The following SETD5 variants were observed in gnomAD, a reference collection of about 807,000 sequenced individuals.
SETD5 encodes the protein histone-lysine N-methyltransferase SETD5.
In SETD5, 44 loss-of-function variants were observed where a neutral mutation model predicts 153.3. The ratio of observed to expected loss-of-function variants is 0.29; its 90% CI spans 0.23 to 0.37. The LOEUF (loss-of-function observed/expected upper bound fraction) is 0.37. Among genes scored for constraint, SETD5 ranks in the 10% least tolerant of loss-of-function variants. The pLI, the probability that SETD5 is intolerant of heterozygous loss-of-function variation, is 1.00. For synonymous variants in SETD5, 716 were observed against 645.2 expected (o/e 1.11, Z -1.66); for missense variants, 1,544 against 1,768.0 (o/e 0.87, Z 2.27).
chr3:9,422,682 T>C (rs369352791), intron 1 of SETD5, among the ~76,000 whole-genome samples: 15 of 152,368 alleles, frequency 9.8e-5, no homozygotes, highest in Middle Eastern at 3.4e-3. Context: ...CTTGTTCTTA[T>C]GTATCTTAAT....
At chr3:9,453,674 T>C (rs2042888052) in intron 16 of SETD5, 65 bp from the exon 17 acceptor site, 3 of 1,461,878 alleles carry the variant, frequency 2.1e-6, no homozygotes, top group Non-Finnish European at 2.7e-6. Context: ...GATGTACATT[T>C]AAAACAGGTG....
intron 2 of SETD5, among the ~76,000 whole-genome samples, chr3:9,424,928 A>AT (rs1312650012): frequency 6.6e-6 from 1 of 152,206 alleles, no homozygotes; most frequent in Non-Finnish European, 1.5e-5. Flanking sequence ...ATTAGTTAGA[A>AT]TGAGATGGTC....
intron 18 of SETD5, chr3:9,468,696 CCACT>C: frequency 1.3e-6 from 1 of 797,560 alleles, no homozygotes; most frequent in Non-Finnish European, 1.9e-6. Flanking sequence ...TGGAGGGCGG[CCACT>C]CAGTCACAGT....
chr3:9,437,105 T>C (rs1338161914), intron 7 of SETD5, among the ~76,000 whole-genome samples: 1 of 152,236 alleles, frequency 6.6e-6, no homozygotes, highest in Admixed American at 6.5e-5. Context: ...CCTTCATTGA[T>C]TGGTTTTTCA....
intron 1 of SETD5, among the ~76,000 whole-genome samples, chr3:9,417,789 CT>C (rs892874179): frequency 2.0e-3 from 285 of 141,428 alleles, no homozygotes; most frequent in Admixed American, 2.2e-3. Context: ...CTGGCCAAGT[CT>C]TTTTTTTTTT....
intron 3 of SETD5, chr3:9,432,423 A>G (rs914482654): frequency 6.2e-6 from 2 of 323,844 alleles, no homozygotes; most frequent in Non-Finnish European, 4.4e-6. Flanking sequence ...TGTACTATAT[A>G]TTGTATATCT....
rs374406205 is a variant in SETD5 at position 9,409,758 on chromosome 3, T to C, written c.-177+11781T>C. 3.9e-5 allele frequency among the ~76,000 whole-genome samples: 6 copies of C among 152,326 alleles called. 1 individual carries two copies. In the East Asian group the frequency reaches 5.8e-4, roughly 15 times the overall value. ...ACAAAGTTTAAAAGTATTTTATTTC[T>C]TTTTAAAAATATCACTTGGTATTTT... On this transcript the variant is annotated intron_variant, in intron 1 of 22. Transcript: ENST00000402198.
At chr3:9,471,407 G>C (rs968710150) in intron 19 of SETD5, among the ~76,000 whole-genome samples, 2 of 152,204 alleles carry the variant, frequency 1.3e-5, no homozygotes, top group Non-Finnish European at 2.9e-5. Flanking sequence ...GCAGGTTACT[G>C]ATTTAACTGA....
chr3:9,445,965 G>GGTTTTT (rs2041907619), intron 13 of SETD5, among the ~76,000 whole-genome samples: 4 of 86,474 alleles, frequency 4.6e-5, no homozygotes, highest in African/African-American at 1.4e-4. Context: ...TGAAGAGGTT[G>GGTTTTT]TTTTTTTTTT....
chr3:9,441,524 T>G (rs1559416086), intron 8 of SETD5, 69 bp from the exon 9 acceptor site: 2 of 1,384,392 alleles, frequency 1.4e-6, no homozygotes, highest in Non-Finnish European at 2.0e-6. Flanking sequence ...TCCTTAATTA[T>G]GAAGTAATTT....
rs1414234996 is a variant in SETD5, at chr3:9,454,323, A to G, written c.2476+455A>G. On this transcript the variant is annotated intron_variant, in intron 17 of 22. Transcript: ENST00000402198. Reference sequence around the variant, plus strand: ...AAGGGGCTTGTATAATTAGCATACAATTTTTAAAAGAACAGCCGGGCGCTG... The same window carrying G: ...AAGGGGCTTGTATAATTAGCATACAGTTTTTAAAAGAACAGCCGGGCGCTG... 2.0e-5 allele frequency among the ~76,000 whole-genome samples: 3 copies of G among 152,144 alleles called. No homozygotes were observed. The East Asian group carries it at 5.8e-4, about 29-fold the overall frequency.
At chr3:9,468,570 C>T in intron 18 of SETD5, 1 of 1,304,326 alleles carries the variant, frequency 7.7e-7, no homozygotes, top group Non-Finnish European at 1.0e-6. Context: ...GTCCCTGTCA[C>T]CCGAGGTAGT....
At chr3:9,458,340 G>A (rs2043515664) in intron 17 of SETD5, among the ~76,000 whole-genome samples, 1 of 152,132 alleles carries the variant, frequency 6.6e-6, no homozygotes, top group South Asian at 2.1e-4. Flanking sequence ...CTTGGGCCTG[G>A]CATGGTGACT....
chr3:9,461,802 A>G (rs1402836697), intron 17 of SETD5, among the ~76,000 whole-genome samples: 2 of 152,222 alleles, frequency 1.3e-5, no homozygotes, highest in Non-Finnish European at 2.9e-5. Context: ...TTTGATAGTT[A>G]TAGTGTTGGA....
At chr3:9,423,709 C>T (rs1320327285) in intron 1 of SETD5, among the ~76,000 whole-genome samples, 1 of 152,120 alleles carries the variant, frequency 6.6e-6, no homozygotes, top group Non-Finnish European at 1.5e-5. Flanking sequence ...AAATGAAATG[C>T]ATGCGTTCTA....
At chr3:9,399,621 T>A (rs1219197435) in intron 1 of SETD5, among the ~76,000 whole-genome samples, 1 of 152,146 alleles carries the variant, frequency 6.6e-6, no homozygotes, top group Admixed American at 6.5e-5. Context: ...CAAATTTAAA[T>A]TAGATTGTAG....
intron 18 of SETD5, among the ~76,000 whole-genome samples, chr3:9,466,500 G>A (rs1388807462): frequency 6.6e-6 from 1 of 151,916 alleles, no homozygotes; most frequent in Non-Finnish European, 1.5e-5. Context: ...AGAATACCAG[G>A]AGGGAAGGAA....
chr3:9,453,527 T>C (rs1044103461), intron 16 of SETD5, among the ~76,000 whole-genome samples: 2 of 152,224 alleles, frequency 1.3e-5, no homozygotes, highest in African/African-American at 4.8e-5. Flanking sequence ...GATCTCATTA[T>C]ATGTAATCCA....
At chr3:9,472,028 A>G (rs1437039723) in intron 19 of SETD5, among the ~76,000 whole-genome samples, 1 of 152,218 alleles carries the variant, frequency 6.6e-6, no homozygotes, top group Non-Finnish European at 1.5e-5. Context: ...GGAGGAGGAA[A>G]CATTGGCAGA....
Sources: gnomAD v4.1 joint callset for allele counts (sites outside exome capture counted in the v4.1 genomes callset) on GRCh38, gnomAD v4.1.1 for gene constraint, MANE v1.5 for transcripts, NCBI Gene and HGNC (gene_info 2026-07-23, HGNC 2026-07-21) for gene names.